The following FBXO11 variants were observed in gnomAD, a reference collection of about 807,000 sequenced individuals.
FBXO11 encodes F-box only protein 11.
Under a neutral mutation model 117.0 loss-of-function variants are expected in FBXO11, and 13 were observed. That is an observed-to-expected ratio of 0.11 (90% CI 0.07 to 0.18). The LOEUF (loss-of-function observed/expected upper bound fraction) is 0.18. FBXO11 is among the 10% of genes least tolerant of loss of function. The pLI is 1.00. For synonymous variants in FBXO11, 490 were observed against 380.5 expected (o/e 1.29, Z -3.35); for missense variants, 767 against 1,164.4 (o/e 0.66, Z 4.97).
At chr2:47,833,372 G>A (rs1672322991) in intron 7 of FBXO11, among the ~76,000 whole-genome samples, 1 of 152,140 alleles carries the variant, frequency 6.6e-6, no homozygotes, top group Non-Finnish European at 1.5e-5. Flanking sequence ...TCCAGCAGCA[G>A]CACTGGAAAC....
chr2:47,862,817 G>A (rs1384551415), intron 1 of FBXO11, among the ~76,000 whole-genome samples: 1 of 152,058 alleles, frequency 6.6e-6, no homozygotes, highest in Non-Finnish European at 1.5e-5. Flanking sequence ...CACTTTCGGA[G>A]GCTGAGGTGG....
At chr2:47,905,247 G>A (rs1251076923) in intron 1 of FBXO11, 2 of 267,268 alleles carry the variant, frequency 7.5e-6, no homozygotes, top group Non-Finnish European at 1.4e-5. Context: ...CTGAGCCCCC[G>A]AAACCAAACA....
intron 1 of FBXO11, among the ~76,000 whole-genome samples, chr2:47,863,063 AAAAAAAAAC>A (rs1558452972): frequency 7.3e-6 from 1 of 136,504 alleles, no homozygotes; most frequent in African/African-American, 2.5e-5. Context: ...CTCAAAAAAA[AAAAAAAAAC>A]AAAAAAACAA....
chr2:47,819,614 T>G (rs887918820), intron 14 of FBXO11, among the ~76,000 whole-genome samples: 1 of 152,232 alleles, frequency 6.6e-6, no homozygotes. Context: ...GTAATAGTAG[T>G]AGTAGCATTC....
intron 1 of FBXO11, chr2:47,883,667 G>A (rs1002362913): frequency 1.1e-5 from 3 of 269,812 alleles, no homozygotes; most frequent in Non-Finnish European, 2.3e-5. Context: ...ATCTTGTGTT[G>A]AGACTTTGTG....
At chr2:47,866,977 T>C (rs1235824897) in intron 1 of FBXO11, among the ~76,000 whole-genome samples, 7 of 152,268 alleles carry the variant, frequency 4.6e-5, no homozygotes, top group African/African-American at 1.4e-4. Flanking sequence ...AAAAACAGAG[T>C]TGCAATATCT....
At chr2:47,898,054 C>T (rs1677811688) in intron 1 of FBXO11, among the ~76,000 whole-genome samples, 1 of 152,130 alleles carries the variant, frequency 6.6e-6, no homozygotes, top group Non-Finnish European at 1.5e-5. Context: ...GCCCCATGAT[C>T]TTCATTTGTT....
At chr2:47,810,504 CT>C in intron 18 of FBXO11, 78 bp from the exon 19 acceptor site, 1 of 811,822 alleles carries the variant, frequency 1.2e-6, no homozygotes, top group Non-Finnish European at 1.9e-6. Context: ...TTTAGGTTTG[CT>C]TTTAGTTTCT....
At chr2:47,900,887 C>CACGTATACACACACACGTGTATATATAT (rs1678185381) in intron 1 of FBXO11, among the ~76,000 whole-genome samples, 1 of 137,634 alleles carries the variant, frequency 7.3e-6, no homozygotes, top group Non-Finnish European at 1.6e-5. Flanking sequence ...TATATATATA[C>CACGTATACACACACACGTGTATATATAT]ACGTATATAT....
intron 1 of FBXO11, among the ~76,000 whole-genome samples, chr2:47,899,167 A>G (rs1262369894): frequency 1.3e-5 from 2 of 151,124 alleles, no homozygotes; most frequent in East Asian, 3.9e-4. Flanking sequence ...CCAGCTACTC[A>G]GGAGGCTGAG....
At position 47,905,897 on chromosome 2, in the gene FBXO11, A is replaced by C; in HGVS notation, c.-177T>G. 1 of 672,304 alleles carries C rather than the reference A, an allele frequency of 1.5e-6. No individual in the cohort carries two copies. The highest frequency in any genetic ancestry group is 2.3e-6 in the Non-Finnish European group (1 of 436,798). 41.6% of individuals were successfully genotyped at this position (672,304 alleles called of 1,614,324 possible). The stretch of plus-strand genomic sequence containing the variant: ...CGAGCGGGACCCCGAGTCCGGAGAA[A>C]GGCCCGGGTAGACAGACGGAGACCG... On this transcript the variant is annotated 5_prime_UTR_variant, in exon 1 of 23. Transcript: ENST00000403359.
rs1558401708 is a variant in FBXO11 at position 47,810,301 on chromosome 2, AAAG to A, written c.2338+12_2338+14del. On this transcript the variant is annotated intron_variant, in intron 19 of 22. Transcript: ENST00000403359. ...AACTATATATAAGCCACAGGTAAGA[AAAG>A]AAAATACAAACCTGCGGCAAATCCA... The A allele has an allele frequency of 3.2e-6, 5 of 1,546,104 alleles. No homozygotes were observed. Among genetic ancestry groups the A allele is most frequent in the African/African-American group, 1.4e-5 (1 of 72,654 alleles).
At chr2:47,824,117 T>C (rs1457552912) in intron 11 of FBXO11, among the ~76,000 whole-genome samples, 2 of 152,224 alleles carry the variant, frequency 1.3e-5, no homozygotes, top group Admixed American at 6.5e-5. Flanking sequence ...TGTAGACGAA[T>C]ACCATTAACT....
chr2:47,847,232 G>C (rs1012131573), intron 1 of FBXO11, among the ~76,000 whole-genome samples: 1 of 152,150 alleles, frequency 6.6e-6, no homozygotes, highest in African/African-American at 2.4e-5. Flanking sequence ...GTGACAGAGT[G>C]AGACTCTGTC....
chr2:47,839,852 A>G, intron 1 of FBXO11, 83 bp from the exon 2 acceptor site: 2 of 1,287,528 alleles, frequency 1.6e-6, no homozygotes, highest in Non-Finnish European at 2.1e-6. Flanking sequence ...TTAAAACTTC[A>G]AATTCGGGAG....
chr2:47,885,283 G>A (rs1288497410), intron 1 of FBXO11, among the ~76,000 whole-genome samples: 1 of 152,170 alleles, frequency 6.6e-6, no homozygotes, highest in Non-Finnish European at 1.5e-5. Context: ...CAGTAGTACG[G>A]CATATGGCTC....
intron 5 of FBXO11, 76 bp from the exon 6 acceptor site, chr2:47,834,947 G>A (rs1377944443): frequency 4.0e-6 from 4 of 993,564 alleles, no homozygotes; most frequent in South Asian, 1.5e-5. Flanking sequence ...ACAATTGCAT[G>A]AACAACTTTT....
intron 1 of FBXO11, among the ~76,000 whole-genome samples, chr2:47,902,510 G>C (rs1300619912): frequency 1.3e-5 from 2 of 151,958 alleles, no homozygotes; most frequent in African/African-American, 2.4e-5. Context: ...ATAAGACAAA[G>C]CGTATATACA....
At chr2:47,839,194 G>A (rs1672832149) in intron 3 of FBXO11, among the ~76,000 whole-genome samples, 191 bp from the exon 4 acceptor site, 1 of 151,668 alleles carries the variant, frequency 6.6e-6, no homozygotes, top group African/African-American at 2.4e-5. Context: ...CTTCTTTTAG[G>A]TATTATGTGC....
Sources: gnomAD v4.1 joint callset for allele counts (sites outside exome capture counted in the v4.1 genomes callset) on GRCh38, gnomAD v4.1.1 for gene constraint, MANE v1.5 for transcripts, NCBI Gene and HGNC (gene_info 2026-07-23, HGNC 2026-07-21) for gene names.